Variants in RBMS3 observed in about 807,000 individuals in gnomAD.
RBMS3 encodes RNA-binding motif, single-stranded-interacting protein 3.
RBMS3 carries 27 observed loss-of-function variants against 66.8 expected under a neutral mutation model. The observed-to-expected ratio is 0.40, with a 90% confidence interval of 0.30 to 0.56. The LOEUF is 0.56. Among genes scored for constraint, RBMS3 ranks in the 20% least tolerant of loss-of-function variants. RBMS3 has a pLI of 0.40. For missense variants in RBMS3, 513 were observed against 549.5 expected (o/e 0.93, Z 0.66); for synonymous variants, 188 against 183.0 (o/e 1.03, Z -0.22).
chr3:29,522,788 G>T (rs1465523368), intron 3 of RBMS3, among the ~76,000 whole-genome samples: 1 of 152,142 alleles, frequency 6.6e-6, no homozygotes, highest in African/African-American at 2.4e-5. Flanking sequence ...GTCTGGAAAA[G>T]GTAGATTTGC....
intron 11 of RBMS3, among the ~76,000 whole-genome samples, chr3:29,940,599 CCT>C (rs1453707381): frequency 2.0e-5 from 3 of 151,818 alleles, no homozygotes; most frequent in African/African-American, 7.3e-5. Context: ...TGGGCCAAAA[CCT>C]CTTTTTCCTT....
chr3:29,988,161 C>A lies in RBMS3; in HGVS notation c.1117C>A (p.Pro373Thr). Residue 373 changes from proline (P) to threonine (T), a missense_variant, in exon 13 of 15, where the codon CCT (proline) becomes ACT (threonine). Coordinates refer to ENST00000383767, the MANE Select transcript of RBMS3 (RefSeq NM_001003793.3). ...LLCQYMTAAA[P>T]MQGTYIPQYT... ...TCTCTAGTATATGACTGCTGCTGCTCCTATGCAAGGGACCTACATTCCTCA... is the reference window on the plus strand; with the variant it reads ...TCTCTAGTATATGACTGCTGCTGCTACTATGCAAGGGACCTACATTCCTCA... 6.2e-7 allele frequency: 1 copy of A among 1,613,118 alleles called. No individual in the cohort carries two copies. The highest frequency in any genetic ancestry group is 1.1e-5 in the South Asian group (1 of 91,054).
At chr3:29,535,200 C>CAATAA (rs975354531) in intron 3 of RBMS3, among the ~76,000 whole-genome samples, 4 of 152,020 alleles carry the variant, frequency 2.6e-5, no homozygotes, top group Non-Finnish European at 4.4e-5. Context: ...TGAATGGAAG[C>CAATAA]AATAAAACGT....
At chr3:29,394,247 T>C (rs2039442471) in intron 1 of RBMS3, among the ~76,000 whole-genome samples, 2 of 152,212 alleles carry the variant, frequency 1.3e-5, no homozygotes, top group Admixed American at 6.5e-5. Flanking sequence ...TCCTATTCGC[T>C]TTCTGCAAGA....
intron 1 of RBMS3, among the ~76,000 whole-genome samples, chr3:29,313,906 G>A (rs2034524556): frequency 1.3e-5 from 2 of 151,630 alleles, no homozygotes; most frequent in South Asian, 4.1e-4. Flanking sequence ...AGGAAAATTC[G>A]GGATGAGTGG....
rs1446188350 is a variant in RBMS3, at chr3:29,865,105, G to GAA, written c.638-3753_638-3752insAA. 4.2e-3 allele frequency among the ~76,000 whole-genome samples: 619 copies of GAA among 146,158 alleles called. 10 individuals are homozygous for GAA. The highest frequency in any genetic ancestry group is 0.014 in the African/African-American group (539 of 38,294). ...GGAAGAAAGGAAGGGAGGGAGGGAGGGAGGAAGGAAGGAAGGAAGGAAGGA... is the reference window on the plus strand; with the variant it reads ...GGAAGAAAGGAAGGGAGGGAGGGAGGAAGAGGAAGGAAGGAAGGAAGGAAGGA... On this transcript the variant is annotated intron_variant, in intron 6 of 14. Transcript: ENST00000383767.
chr3:29,474,409 C>A (rs1014371751), intron 2 of RBMS3, among the ~76,000 whole-genome samples: 3 of 152,106 alleles, frequency 2.0e-5, no homozygotes, highest in Non-Finnish European at 4.4e-5. Context: ...ATGTTTAGTA[C>A]AAGGGATTAC....
chr3:29,291,618 G>A (rs1444423660), intron 1 of RBMS3, among the ~76,000 whole-genome samples: 2 of 151,774 alleles, frequency 1.3e-5, no homozygotes, highest in Non-Finnish European at 2.9e-5. Flanking sequence ...TTATTCTATG[G>A]CATAATTTTT....
chr3:29,353,098 A>G (rs1051507038), intron 1 of RBMS3, among the ~76,000 whole-genome samples: 1 of 151,708 alleles, frequency 6.6e-6, no homozygotes, highest in Non-Finnish European at 1.5e-5. Context: ...TTTTAATTTG[A>G]TATTCTTGGG....
At position 29,810,536 on chromosome 3, in the gene RBMS3, T is replaced by C. The variant is rs560261453; in HGVS notation, c.637+47547T>C. On this transcript the variant is annotated intron_variant, in intron 6 of 14. Coordinates refer to ENST00000383767, the MANE Select transcript of RBMS3 (RefSeq NM_001003793.3). Reference sequence around the variant, plus strand: ...GTGAACCACACAATGGAATGTGCTGTAGGAAATCTCTCACCTTCTAAAGCC... The same window carrying C: ...GTGAACCACACAATGGAATGTGCTGCAGGAAATCTCTCACCTTCTAAAGCC... Among the ~76,000 whole-genome samples, 3 of 152,256 alleles carry C rather than the reference T, an allele frequency of 2.0e-5. No individual in the cohort carries two copies. The South Asian group carries it at 6.2e-4, about 32-fold the overall frequency.
At chr3:29,566,475 T>A (rs1177745567) in intron 3 of RBMS3, among the ~76,000 whole-genome samples, 1 of 152,136 alleles carries the variant, frequency 6.6e-6, no homozygotes, top group Non-Finnish European at 1.5e-5. Flanking sequence ...TGCACTGTTC[T>A]ACATGATACC....
At chr3:29,323,526 A>C (rs2035130010) in intron 1 of RBMS3, among the ~76,000 whole-genome samples, 1 of 152,140 alleles carries the variant, frequency 6.6e-6, no homozygotes, top group African/African-American at 2.4e-5. Flanking sequence ...ATATGGCCTA[A>C]AAATGCAGGT....
intron 6 of RBMS3, among the ~76,000 whole-genome samples, chr3:29,817,307 G>T (rs534275441): frequency 6.6e-6 from 1 of 151,410 alleles, no homozygotes; most frequent in East Asian, 2.0e-4. Context: ...GGGTTCAAGC[G>T]ATTCTCCTGT....
intron 4 of RBMS3, among the ~76,000 whole-genome samples, chr3:29,728,792 AT>A (rs143413160): frequency 0.06 from 9,067 of 151,596 alleles, 887 homozygotes; most frequent in African/African-American, 0.2. Flanking sequence ...GTATAGCAGA[AT>A]TTTTTTTTAA....
At chr3:29,534,509 A>C (rs1253380670) in intron 3 of RBMS3, among the ~76,000 whole-genome samples, 1 of 152,220 alleles carries the variant, frequency 6.6e-6, no homozygotes, top group Non-Finnish European at 1.5e-5. Context: ...TCTTTCTTAC[A>C]GGCATATCAC....
chr3:29,348,389 A>T lies in RBMS3; in HGVS notation c.75+66633A>T, dbSNP rs577362779. 2.6e-5 allele frequency among the ~76,000 whole-genome samples: 4 copies of T among 152,312 alleles called. No individual in the cohort carries two copies. In the South Asian group the frequency reaches 8.3e-4, roughly 32 times the overall value. On this transcript the variant is annotated intron_variant, in intron 1 of 14. Transcript: ENST00000383767. Reference sequence around the variant, plus strand: ...AATCGATGCAGGTGGGGTTGTGCATAAAAGAAATGCTATAAAATGCTACAT... The same window carrying T: ...AATCGATGCAGGTGGGGTTGTGCATTAAAGAAATGCTATAAAATGCTACAT...
At chr3:29,390,917 A>T in intron 1 of RBMS3, 1 of 182,978 alleles carries the variant, frequency 5.5e-6, no homozygotes, top group Admixed American at 5.2e-5. Context: ...GGAGCTGAAG[A>T]CCACCCTCAT....
intron 4 of RBMS3, among the ~76,000 whole-genome samples, chr3:29,665,065 C>A (rs963847506): frequency 6.6e-6 from 1 of 151,938 alleles, no homozygotes; most frequent in African/African-American, 2.4e-5. Context: ...TATATAATAC[C>A]AGCTAAAGGA....
intron 4 of RBMS3, among the ~76,000 whole-genome samples, chr3:29,710,503 A>G (rs918701996): frequency 6.6e-6 from 1 of 152,168 alleles, no homozygotes; most frequent in Non-Finnish European, 1.5e-5. Flanking sequence ...ACACAGCTAC[A>G]CAGTCGCAGG....
Sources: allele counts gnomAD v4.1 joint callset (sites outside exome capture counted in the v4.1 genomes callset), GRCh38; gene constraint gnomAD v4.1.1; transcripts MANE v1.5; gene names NCBI Gene and HGNC (gene_info 2026-07-23, HGNC 2026-07-21).